The following NKAIN2 variants were observed in gnomAD, a reference collection of about 807,000 sequenced individuals.
NKAIN2 encodes sodium/potassium transporting ATPase interacting 2.
A neutral mutation model predicts 32.6 loss-of-function variants in NKAIN2; 14 were observed. The ratio of observed to expected loss-of-function variants is 0.43; its 90% confidence interval spans 0.28 to 0.67. NKAIN2 has a LOEUF of 0.67. NKAIN2 is among the 30% of genes least tolerant of loss of function. NKAIN2 has a pLI of 0.17. For synonymous variants in NKAIN2, 80 were observed against 87.2 expected (o/e 0.92, Z 0.46); for missense variants, 198 against 258.3 (o/e 0.77, Z 1.60).
rs190538000 is a variant in NKAIN2, at chr6:124,740,642, G to A, written c.475-50697G>A. Reference sequence around the variant, plus strand: ...AAATCAACCATGTTAATATCTATGGGAGGAACGTTCCAGGAAAATGGGTTA... The same window carrying A: ...AAATCAACCATGTTAATATCTATGGAAGGAACGTTCCAGGAAAATGGGTTA... On this transcript the variant is annotated intron_variant, in intron 4 of 6. Transcript: ENST00000368417. 3.7e-3 allele frequency among the ~76,000 whole-genome samples: 565 copies of A among 151,970 alleles called. 2 individuals are homozygous for A. Among genetic ancestry groups the A allele is most frequent in the African/African-American group, 0.01 (433 of 41,516 alleles).
intron 3 of NKAIN2, among the ~76,000 whole-genome samples, chr6:124,616,437 C>CTTTTTTTTTTTTTTTTTTTTTT (rs79406895): frequency 2.8e-5 from 2 of 70,442 alleles, no homozygotes; most frequent in African/African-American, 6.9e-5. Context: ...TCTTTTCTTT[C>CTTTTTTTTTTTTTTTTTTTTTT]TTTTTTTTTT....
Position 124,171,636 on chromosome 6 carries a change from C to T in NKAIN2, c.55-111369C>T, listed in dbSNP as rs1420306748. 4.2e-5 allele frequency among the ~76,000 whole-genome samples: 6 copies of T among 143,654 alleles called. No homozygotes were observed. The South Asian group carries it at 1.4e-3, about 32-fold the overall frequency. 94.2% of individuals were successfully genotyped at this position (143,654 alleles called of 152,430 possible). ...GTACCATCTCGGCTCACTGCAACGT[C>T]TGCCTCCCGGTTCAAGCAATTCTCC... On this transcript the variant is annotated intron_variant, in intron 1 of 6. Transcript: ENST00000368417.
chr6:124,386,139 G>A (rs1299072371), intron 3 of NKAIN2, among the ~76,000 whole-genome samples: 1 of 152,082 alleles, frequency 6.6e-6, no homozygotes, highest in Non-Finnish European at 1.5e-5. Context: ...TAAGATGGAT[G>A]CCTAATGATT....
chr6:124,802,551 T>C (rs1302391780), intron 5 of NKAIN2, among the ~76,000 whole-genome samples: 1 of 152,208 alleles, frequency 6.6e-6, no homozygotes, highest in East Asian at 1.9e-4. Flanking sequence ...ACTGAAAGCA[T>C]CAAAAGATAT....
intron 1 of NKAIN2, among the ~76,000 whole-genome samples, chr6:124,205,785 C>T (rs1490819695): frequency 6.6e-6 from 1 of 151,794 alleles, no homozygotes; most frequent in African/African-American, 2.4e-5. Context: ...TTGTGACAAT[C>T]GCTTCAGAGC....
intron 3 of NKAIN2, among the ~76,000 whole-genome samples, chr6:124,368,649 A>T (rs1190474584): frequency 6.6e-6 from 1 of 152,116 alleles, no homozygotes; most frequent in Non-Finnish European, 1.5e-5. Context: ...CCTCCCAAAG[A>T]GCAATGAGAG....
At chr6:124,136,608 T>G (rs988603907) in intron 1 of NKAIN2, among the ~76,000 whole-genome samples, 1 of 152,052 alleles carries the variant, frequency 6.6e-6, no homozygotes, top group Non-Finnish European at 1.5e-5. Flanking sequence ...AAATCCTCAA[T>G]AAAATACTGG....
At chr6:124,170,452 G>A (rs1788788417) in intron 1 of NKAIN2, among the ~76,000 whole-genome samples, 1 of 152,224 alleles carries the variant, frequency 6.6e-6, no homozygotes, top group Non-Finnish European at 1.5e-5. Context: ...AGTATGCAGG[G>A]AGAAGTATCT....
At chr6:124,379,535 A>G (rs1772527494) in intron 3 of NKAIN2, among the ~76,000 whole-genome samples, 1 of 152,128 alleles carries the variant, frequency 6.6e-6, no homozygotes, top group Non-Finnish European at 1.5e-5. Flanking sequence ...GCCCCGATAC[A>G]GGTTTTATAT....
chr6:124,568,534 A>G (rs910470105), intron 3 of NKAIN2, among the ~76,000 whole-genome samples: 20 of 152,176 alleles, frequency 1.3e-4, no homozygotes, highest in African/African-American at 4.3e-4. Context: ...CCTGGGGTCA[A>G]TTAATATTAA....
intron 3 of NKAIN2, among the ~76,000 whole-genome samples, chr6:124,413,937 A>G (rs965806404): frequency 3.3e-5 from 5 of 152,066 alleles, no homozygotes; most frequent in Non-Finnish European, 7.4e-5. Flanking sequence ...TTGTAGATCT[A>G]TGGGATTTTC....
intron 3 of NKAIN2, among the ~76,000 whole-genome samples, chr6:124,517,471 T>C (rs1353662007): frequency 6.6e-6 from 1 of 152,136 alleles, no homozygotes; most frequent in Non-Finnish European, 1.5e-5. Flanking sequence ...GCAGCTTCCA[T>C]AATAATGCCC....
chr6:124,116,132 T>C (rs931004639), intron 1 of NKAIN2, among the ~76,000 whole-genome samples: 5 of 152,098 alleles, frequency 3.3e-5, no homozygotes, highest in Admixed American at 1.3e-4. Flanking sequence ...GTTTTTCAGA[T>C]AAAACGTTAT....
intron 1 of NKAIN2, among the ~76,000 whole-genome samples, chr6:124,226,097 A>G (rs866282462): frequency 2.0e-5 from 3 of 152,080 alleles, no homozygotes; most frequent in African/African-American, 7.2e-5. Context: ...GACACTGTCA[A>G]TTGCAGTGGA....
chr6:124,647,539 C>T (rs1382205591), intron 3 of NKAIN2, among the ~76,000 whole-genome samples: 2 of 137,132 alleles, frequency 1.5e-5, no homozygotes, highest in African/African-American at 5.3e-5. Flanking sequence ...GCAAATATAG[C>T]CTAAGGATTA....
intron 6 of NKAIN2, among the ~76,000 whole-genome samples, chr6:124,822,495 T>C (rs1295770544): frequency 6.6e-6 from 1 of 152,174 alleles, no homozygotes; most frequent in Non-Finnish European, 1.5e-5. Flanking sequence ...AAATCTTCTG[T>C]GGCCAAGATC....
chr6:124,029,207 ATGTC>A (rs1415370293), intron 1 of NKAIN2, among the ~76,000 whole-genome samples: 1 of 151,712 alleles, frequency 6.6e-6, no homozygotes, highest in Non-Finnish European at 1.5e-5. Flanking sequence ...CATGTCTGGG[ATGTC>A]TGTCTATTGT....
rs1773114437 is a variant in NKAIN2 at position 123,804,147 on chromosome 6, G to C, written c.-54G>C. 2.6e-6 allele frequency: 4 copies of C among 1,523,006 alleles called. No homozygotes were observed. The Admixed American group carries it at 5.0e-5, about 19-fold the overall frequency. 94.3% of individuals were successfully genotyped at this position (1,523,006 alleles called of 1,614,324 possible). On this transcript the variant is annotated 5_prime_UTR_variant, in exon 1 of 7. Coordinates refer to ENST00000368417, the MANE Select transcript of NKAIN2 (RefSeq NM_001040214.3). ...CGCGATCTGATTGGATAAAGTGGGG[G>C]CTCGACGGTGGCCGACGTGGGACAG... is the stretch of plus-strand genomic sequence containing the variant.
intron 2 of NKAIN2, among the ~76,000 whole-genome samples, chr6:124,300,852 C>G (rs950592892): frequency 6.6e-6 from 1 of 152,048 alleles, no homozygotes; most frequent in Non-Finnish European, 1.5e-5. Context: ...TTCTAGGTGT[C>G]AAAGTGTTCA....
Sources: gnomAD v4.1 joint callset for allele counts (sites outside exome capture counted in the v4.1 genomes callset) on GRCh38, gnomAD v4.1.1 for gene constraint, MANE v1.5 for transcripts, NCBI Gene and HGNC (gene_info 2026-07-23, HGNC 2026-07-21) for gene names.